PPP2R3C: variants seen among roughly 807,000 people sequenced by gnomAD.
PPP2R3C encodes the protein serine/threonine-protein phosphatase 2A regulatory subunit B'' subunit gamma.
PPP2R3C carries 47 observed loss-of-function variants against 63.7 expected under a neutral mutation model. The observed-to-expected ratio is 0.74, with a 90% CI of 0.58 to 0.94. PPP2R3C has a LOEUF of 0.94. Ranked by LOEUF, PPP2R3C falls within the 40% of genes least tolerant of loss-of-function variation. PPP2R3C has a pLI of 0.00. For synonymous variants in PPP2R3C, 180 were observed against 177.4 expected (o/e 1.01, Z -0.12); for missense variants, 421 against 518.4 (o/e 0.81, Z 1.82).
chr14:35,113,832 C>A (rs1239192499), intron 2 of PPP2R3C, among the ~76,000 whole-genome samples: 1 of 152,156 alleles, frequency 6.6e-6, no homozygotes, highest in African/African-American at 2.4e-5. Context: ...CCTGCATACC[C>A]TACCTGATCT....
Position 35,109,846 on chromosome 14 carries a change from A to G in PPP2R3C, c.377T>C (p.Val126Ala), listed in dbSNP as rs757642753. The G allele has an allele frequency of 5.6e-6, 9 of 1,603,162 alleles. No homozygotes were observed. Among genetic ancestry groups the G allele is most frequent in the Middle Eastern group, 1.6e-4 (1 of 6,068 alleles). The change falls in exon 4 of 13, where the codon GTT becomes GCT. Residue 126 changes from valine to alanine, a missense_variant. Coordinates refer to ENST00000261475, the MANE Select transcript of PPP2R3C (RefSeq NM_017917.4). ...AMINYENFLK[V>A]GEKAGAKCKQ... ...GCACTTTGCTCCAGCCTTTTCACCA[A>G]CCTTCAAAAAGTTTTCGTAATTGAT...
At position 35,095,125 on chromosome 14, in the gene PPP2R3C, G is replaced by A. The variant is rs373692237; in HGVS notation, c.898C>T (p.Arg300Cys). 4.7e-5 allele frequency: 75 copies of A among 1,612,136 alleles called. No homozygotes were observed. The highest frequency in any genetic ancestry group is 2.9e-4 in the South Asian group (26 of 91,056). Reference sequence around the variant, plus strand: ...TTGGTCATGGTAGCTGTTCCATAGCGTGAGAGTTCTTCTTTACTGAGCATG... The same window carrying A: ...TTGGTCATGGTAGCTGTTCCATAGCATGAGAGTTCTTCTTTACTGAGCATG... The part of the protein sequence containing the change: ...NGMLSKEELS[R>C]YGTATMTNVF... Residue 300 changes from arginine (R) to cysteine (C), a missense_variant, in exon 10 of 13, where the codon CGC (arginine) becomes TGC (cysteine). By Grantham distance (180) the Arg-to-Cys change is radical. This residue lies in a region of PPP2R3C where 231 missense variants were observed against 264.8 expected (regional missense o/e 0.87). Coordinates refer to ENST00000261475, the MANE Select transcript of PPP2R3C (RefSeq NM_017917.4).
chr14:35,093,562 T>C (rs1221283030), intron 10 of PPP2R3C, among the ~76,000 whole-genome samples: 4 of 152,048 alleles, frequency 2.6e-5, no homozygotes, highest in Non-Finnish European at 1.5e-5. Context: ...CAAACTGCTA[T>C]TGAAGCTAAA....
intron 6 of PPP2R3C, chr14:35,100,655 G>C (rs914225361): frequency 6.6e-6 from 1 of 152,020 alleles, no homozygotes; most frequent in African/African-American, 2.4e-5. Context: ...TTTGAGGCAG[G>C]GTCTCACTCT....
In PPP2R3C at chr14:35,109,863, G is replaced by A. The variant is rs376027395; in HGVS notation, c.360C>T (p.Tyr120=). The A allele has an allele frequency of 3.5e-5, 56 of 1,611,170 alleles. No individual in the cohort carries two copies. Among genetic ancestry groups the A allele is most frequent in the Middle Eastern group, 1.7e-4 (1 of 6,052 alleles). Reference sequence around the variant, plus strand: ...TTTCACCAACCTTCAAAAAGTTTTCGTAATTGATCATCGCTTCCTCTCCAA... The same window carrying A: ...TTTCACCAACCTTCAAAAAGTTTTCATAATTGATCATCGCTTCCTCTCCAA... ...PMIGEEAMIN[Y]ENFLKVGEKA... Residue 120 remains tyrosine (Y), a synonymous_variant, in exon 4 of 13, where the codon TAC becomes TAT. Coordinates refer to ENST00000261475, the MANE Select transcript of PPP2R3C (RefSeq NM_017917.4).
chr14:35,117,763 C>A (rs976699031), intron 1 of PPP2R3C, among the ~76,000 whole-genome samples: 1 of 151,836 alleles, frequency 6.6e-6, no homozygotes, highest in Admixed American at 6.6e-5. Context: ...GGTACGATCT[C>A]GGGTCACGGC....
chr14:35,121,819 C>T, intron 1 of PPP2R3C, 83 bp downstream of exon 1: 2 of 1,494,062 alleles, frequency 1.3e-6, no homozygotes, highest in East Asian at 2.3e-5. Flanking sequence ...GCGGCTCCCC[C>T]TTGCTCCTCC....
rs1321202945 is a variant in PPP2R3C, at chr14:35,096,569, A to G, written c.827T>C (p.Leu276Pro). Reference sequence around the variant, plus strand: ...TGATAGGAACATACCATAAACTCTTAGGGCAGAAGGAGCAGAAAACCAATT... The same window carrying G: ...TGATAGGAACATACCATAAACTCTTGGGGCAGAAGGAGCAGAAAACCAATT... ...ETNWFSAPSA[L>P]RVYGQYLNLD... Residue 276 changes from leucine (L) to proline (P), a missense_variant, in exon 9 of 13, where the codon CTA (leucine) becomes CCA (proline). Transcript: ENST00000261475. 1 of 1,612,760 alleles carries G rather than the reference A, an allele frequency of 6.2e-7. No individual in the cohort carries two copies. Among genetic ancestry groups the G allele is most frequent in the Non-Finnish European group, 8.5e-7 (1 of 1,178,988 alleles).
intron 9 of PPP2R3C, among the ~76,000 whole-genome samples, chr14:35,095,929 G>A (rs986629333): frequency 1.3e-5 from 2 of 148,962 alleles, no homozygotes; most frequent in Non-Finnish European, 3.0e-5. Flanking sequence ...TCCATCAGTA[G>A]ACCCTGGGAA....
intron 4 of PPP2R3C, among the ~76,000 whole-genome samples, chr14:35,109,047 A>G (rs1216340862): frequency 6.6e-6 from 1 of 151,642 alleles, no homozygotes; most frequent in Admixed American, 6.6e-5. Flanking sequence ...TGAAAGTGTC[A>G]TAAACTATAT....
At chr14:35,105,914 C>T (rs1455716710) in intron 6 of PPP2R3C, among the ~76,000 whole-genome samples, 1 of 151,894 alleles carries the variant, frequency 6.6e-6, no homozygotes, top group Admixed American at 6.6e-5. Context: ...GTGATCTCGG[C>T]TCACTGCAAG....
In PPP2R3C at chr14:35,116,624, G is replaced by A. The variant is rs745714042; in HGVS notation, c.172C>T (p.Arg58Trp). The A allele has an allele frequency of 1.5e-5, 24 of 1,589,604 alleles. No individual in the cohort carries two copies. The highest frequency in any genetic ancestry group is 2.7e-5 in the African/African-American group (2 of 73,722). Residue 58 changes from arginine to tryptophan, a missense_variant, in exon 2 of 13, where the codon CGG (arginine) becomes TGG (tryptophan). Around this residue, in one of 3 missense-constraint regions of PPP2R3C, gnomAD observed 143 missense variants for 151.2 expected, o/e 0.95. Coordinates refer to ENST00000261475, the MANE Select transcript of PPP2R3C (RefSeq NM_017917.4). ...NTNEFYKTIP[R>W]FYYRLPAEDE... Reference sequence around the variant, plus strand: ...ACACTACTTACCCTATAATAAAACCGGGGAATGGTCTTATAGAATTCATTT... The same window carrying A: ...ACACTACTTACCCTATAATAAAACCAGGGAATGGTCTTATAGAATTCATTT...
chr14:35,096,116 G>A (rs539160519), intron 9 of PPP2R3C, among the ~76,000 whole-genome samples: 1 of 152,254 alleles, frequency 6.6e-6, no homozygotes, highest in Admixed American at 6.5e-5. Flanking sequence ...CAGGGCAGGT[G>A]GACTGCTTGA....
chr14:35,120,782 A>G (rs1031456177), intron 1 of PPP2R3C, among the ~76,000 whole-genome samples: 26 of 152,046 alleles, frequency 1.7e-4, no homozygotes, highest in African/African-American at 6.3e-4. Context: ...CCTCATCTCC[A>G]CTAAAAATAA....
Position 35,121,937 on chromosome 14 carries a change from C to G in PPP2R3C, c.23G>C (p.Arg8Pro). The G allele has an allele frequency of 1.9e-6, 3 of 1,614,154 alleles. No individual in the cohort carries two copies. The highest frequency in any genetic ancestry group is 8.5e-7 in the Non-Finnish European group (1 of 1,180,018). MDWKEVL[R>P]RRLATPNTCP... ...GGTGTTGGGCGTCGCTAGGCGCCGA[C>G]GAAGAACTTCTTTCCAGTCCATGGC... Residue 8 changes from arginine (R) to proline (P), a missense_variant, in exon 1 of 13, where the codon CGT (arginine) becomes CCT (proline). Arg to Pro is a moderately radical substitution (Grantham distance 103). This residue lies in a region of PPP2R3C where 143 missense variants were observed against 151.2 expected (regional missense o/e 0.95). Coordinates refer to ENST00000261475, the MANE Select transcript of PPP2R3C (RefSeq NM_017917.4).
rs773946419 is a variant in PPP2R3C, at chr14:35,121,943, ACTT to A, written c.14_16del (p.Glu5del). The A allele has an allele frequency of 2.7e-5, 43 of 1,614,098 alleles. No individual in the cohort carries two copies. Among genetic ancestry groups the A allele is most frequent in the Middle Eastern group, 1.6e-4 (1 of 6,062 alleles). ...GGGCGTCGCTAGGCGCCGACGAAGA[ACTT>A]CTTTCCAGTCCATGGCCGACTTCCG... On this transcript the variant is annotated inframe_deletion, in exon 1 of 13. Transcript: ENST00000261475.
At chr14:35,100,837 T>C (rs966634433) in intron 6 of PPP2R3C, 23 of 152,274 alleles carry the variant, frequency 1.5e-4, no homozygotes, top group African/African-American at 5.5e-4. Flanking sequence ...TTCACCATGT[T>C]GCCCAGGCTG....
chr14:35,109,876 G>A lies in PPP2R3C; in HGVS notation c.347C>T (p.Ala116Val), dbSNP rs762781414. Reference protein sequence around the residue: ...HQTPPMIGEEAMINYENFLKV... With the variant: ...HQTPPMIGEEVMINYENFLKV... ...CAAAAAGTTTTCGTAATTGATCATC[G>A]CTTCCTCTCCAATCATAGGTGGTGT... The change falls in exon 4 of 13, where the codon GCG becomes GTG. Residue 116 changes from alanine to valine, a missense_variant. Physicochemically the swap from Ala to Val is moderately conservative, Grantham distance 64 (BLOSUM62 0). Transcript: ENST00000261475. 4.1e-5 allele frequency: 66 copies of A among 1,611,720 alleles called. No homozygotes were observed. The highest frequency in any genetic ancestry group is 5.0e-5 in the Admixed American group (3 of 59,880).
chr14:35,105,550 T>C (rs2046322861), intron 6 of PPP2R3C, among the ~76,000 whole-genome samples: 2 of 151,966 alleles, frequency 1.3e-5, no homozygotes, highest in Admixed American at 1.3e-4. Context: ...CAATATACAT[T>C]AAACATTTGT....
Sources: allele counts gnomAD v4.1 joint callset (sites outside exome capture counted in the v4.1 genomes callset), GRCh38; gene constraint gnomAD v4.1.1; regional missense constraint gnomAD v4.1.1; transcripts MANE v1.5; gene names NCBI Gene and HGNC (gene_info 2026-07-23, HGNC 2026-07-21).